Variants in STK24 observed in about 807,000 individuals in gnomAD.
STK24 encodes the protein serine/threonine-protein kinase 24.
In STK24, 21 loss-of-function variants were observed where a neutral mutation model predicts 55.6. The observed-to-expected ratio is 0.38, with a 90% CI of 0.27 to 0.54. The LOEUF is 0.54. Ranked by LOEUF, STK24 falls within the 20% of genes least tolerant of loss-of-function variation. STK24 has a pLI of 0.79. For synonymous variants in STK24, 200 were observed against 215.2 expected, an observed-to-expected ratio of 0.93 and a Z score of 0.62; for missense variants, 383 against 538.4, an observed-to-expected ratio of 0.71 and a Z score of 2.86.
At chr13:98,542,760 A>G (rs1896923392) in intron 1 of STK24, 4 of 902,492 alleles carry the variant, frequency 4.4e-6, no homozygotes, top group Non-Finnish European at 5.3e-6. Flanking sequence ...CAGCCCTAGA[A>G]AGGCTGATGG....
At chr13:98,491,968 C>CA (rs2139324603) in intron 2 of STK24, among the ~76,000 whole-genome samples, 1 of 152,038 alleles carries the variant, frequency 6.6e-6, no homozygotes, top group East Asian at 1.9e-4. Context: ...CAGAATTAGA[C>CA]AATTTCAATA....
Position 98,494,412 on chromosome 13 carries a change from C to CAAAAAAAAAAAAAAAAAAAAA in STK24, c.274-12092_274-12091insTTTTTTTTTTTTTTTTTTTTT, listed in dbSNP as rs1162677599. ...CTGGGTGACAGAGCCAGACTCGTCT[C>CAAAAAAAAAAAAAAAAAAAAA]AAAAAAAAAAAAAAAAGTGCCTCTA... On this transcript the variant is annotated intron_variant, in intron 2 of 10. Coordinates refer to ENST00000539966, the MANE Select transcript of STK24 (RefSeq NM_001032296.4). Among the ~76,000 whole-genome samples the CAAAAAAAAAAAAAAAAAAAAA allele has an allele frequency of 2.2e-3, 148 of 66,670 alleles. 12 individuals carry two copies. Among genetic ancestry groups the CAAAAAAAAAAAAAAAAAAAAA allele is most frequent in the African/African-American group, 3.1e-3 (59 of 18,956 alleles). The allele number at this position is 66,670 out of a possible 152,430, so 43.7% of individuals were successfully genotyped here.
chr13:98,448,041 A>G lies in STK24; in HGVS notation c.*5132T>C. On this transcript the variant is annotated 3_prime_UTR_variant, in exon 11 of 11. Transcript: ENST00000539966. ...GGTACTTCCAGCTCCACACTGAGTG[A>G]GTGCCCAGGCCAGTGGGTCTCCACT... is the stretch of plus-strand genomic sequence containing the variant. 1.7e-6 allele frequency: 1 copy of G among 602,122 alleles called. No individual in the cohort carries two copies. The highest frequency in any genetic ancestry group is 4.5e-4 in the Middle Eastern group (1 of 2,234). 37.3% of individuals were successfully genotyped at this position (602,122 alleles called of 1,614,324 possible).
intron 1 of STK24, among the ~76,000 whole-genome samples, chr13:98,549,479 AG>A (rs1897109624): frequency 6.6e-6 from 1 of 152,072 alleles, no homozygotes; most frequent in Non-Finnish European, 1.5e-5. Flanking sequence ...GCCTGCTGGG[AG>A]GTGTTTGGAT....
In STK24 at chr13:98,447,059, T is replaced by C; in HGVS notation, c.*6114A>G. ...TTGGCTGAGGCCCTAGACATCTTGC[T>C]TGGAGATCTCTGACATAACGTGTCC... On this transcript the variant is annotated 3_prime_UTR_variant, in exon 11 of 11. Transcript: ENST00000539966. 2.1e-6 allele frequency: 1 copy of C among 485,746 alleles called. No individual in the cohort carries two copies. The highest frequency in any genetic ancestry group is 3.7e-6 in the Non-Finnish European group (1 of 268,184). The allele number at this position is 485,746 out of a possible 1,614,324, so 30.1% of individuals were successfully genotyped here. A position where few individuals can be genotyped will look rare whatever the true frequency, so the allele number is the denominator to read the frequency against.
At chr13:98,494,412 C>CAAAA (rs1162677599) in intron 2 of STK24, among the ~76,000 whole-genome samples, 19,430 of 66,388 alleles carry the variant, frequency 0.29, 3,953 homozygotes, top group Non-Finnish European at 0.35. Context: ...AGACTCGTCT[C>CAAAA]AAAAAAAAAA....
rs199887537 is a variant in STK24, at chr13:98,446,777, G to A, written c.*6396C>T. 16 of 1,614,008 alleles carry A rather than the reference G, an allele frequency of 9.9e-6. No homozygotes were observed. Among genetic ancestry groups the A allele is most frequent in the Non-Finnish European group, 1.4e-5 (16 of 1,180,038 alleles). ...GTTCAAGCTGCACTTCAAGTCCCACGTCTACTACTTCAGGGCGGAAAGCGA... is the reference window on the plus strand; with the variant it reads ...GTTCAAGCTGCACTTCAAGTCCCACATCTACTACTTCAGGGCGGAAAGCGA... On this transcript the variant is annotated 3_prime_UTR_variant, in exon 11 of 11. Transcript: ENST00000539966.
At chr13:98,549,995 G>A (rs1897121088) in intron 1 of STK24, among the ~76,000 whole-genome samples, 1 of 152,184 alleles carries the variant, frequency 6.6e-6, no homozygotes, top group Non-Finnish European at 1.5e-5. Context: ...TCTCTTCAAT[G>A]ATCTTGACTT....
At chr13:98,530,181 C>G (rs774030946) in intron 1 of STK24, among the ~76,000 whole-genome samples, 2 of 152,110 alleles carry the variant, frequency 1.3e-5, no homozygotes, top group Non-Finnish European at 2.9e-5. Context: ...GGCCCCCAGA[C>G]AGAAACACAC....
At position 98,451,079 on chromosome 13, in the gene STK24, G is replaced by A. The variant is rs1439201944; in HGVS notation, c.*2094C>T. ...AGTATTCATTAGAACCCAGTCCCTC[G>A]AGCGGCTCACCCACTGTTACTAGCA... is the stretch of plus-strand genomic sequence containing the variant. On this transcript the variant is annotated 3_prime_UTR_variant, in exon 11 of 11. Transcript: ENST00000539966. 2 of 152,154 alleles carry A rather than the reference G, an allele frequency of 1.3e-5. No individual in the cohort carries two copies. Among genetic ancestry groups the A allele is most frequent in the African/African-American group, 4.8e-5 (2 of 41,418 alleles). 9.4% of individuals were successfully genotyped at this position (152,154 alleles called of 1,614,324 possible). A position where few individuals can be genotyped will look rare whatever the true frequency, so the allele number is the denominator to read the frequency against.
chr13:98,474,512 C>CT (rs1475476616), intron 5 of STK24, among the ~76,000 whole-genome samples: 2 of 152,166 alleles, frequency 1.3e-5, no homozygotes, highest in African/African-American at 4.8e-5. Flanking sequence ...CACCCCTCAC[C>CT]ACCATGGCCC....
At chr13:98,525,710 G>A (rs1213802277) in intron 1 of STK24, among the ~76,000 whole-genome samples, 2 of 152,168 alleles carry the variant, frequency 1.3e-5, no homozygotes, top group African/African-American at 4.8e-5. Flanking sequence ...CCCACAAGCC[G>A]CCTCACACTG....
chr13:98,492,492 T>TACCACC (rs1251817063), intron 2 of STK24, among the ~76,000 whole-genome samples: 1 of 152,126 alleles, frequency 6.6e-6, no homozygotes, highest in African/African-American at 2.4e-5. Flanking sequence ...TTTTCTCGAA[T>TACCACC]ACCACCGGCC....
At chr13:98,518,266 G>A (rs4772093) in intron 2 of STK24, among the ~76,000 whole-genome samples, 124,173 of 152,154 alleles carry the variant, frequency 0.82, 51,444 homozygotes, top group Non-Finnish European at 0.9. Context: ...ACACCTTACT[G>A]TATTTCTACA....
chr13:98,503,246 C>T (rs951809948), intron 2 of STK24, among the ~76,000 whole-genome samples: 5 of 152,142 alleles, frequency 3.3e-5, no homozygotes, highest in Non-Finnish European at 5.9e-5. Flanking sequence ...TATATGCACT[C>T]AAAGATGGCT....
chr13:98,567,668 G>A (rs983277889), intron 1 of STK24, among the ~76,000 whole-genome samples: 14 of 152,116 alleles, frequency 9.2e-5, no homozygotes, highest in African/African-American at 3.4e-4. Flanking sequence ...TGAAGAGAAC[G>A]GAGGCTCCGA....
chr13:98,497,225 C>T (rs1895282448), intron 2 of STK24, among the ~76,000 whole-genome samples: 1 of 152,168 alleles, frequency 6.6e-6, no homozygotes, highest in Admixed American at 6.5e-5. Flanking sequence ...GAGCTGCTCC[C>T]TGACCCCTCC....
intron 3 of STK24, among the ~76,000 whole-genome samples, chr13:98,475,867 G>A (rs1894351100): frequency 6.8e-6 from 1 of 146,712 alleles, no homozygotes; most frequent in African/African-American, 2.4e-5. Flanking sequence ...CTCACCCCTG[G>A]TACCCAAAAA....
chr13:98,521,869 A>G (rs1376357382), intron 1 of STK24: 1 of 831,636 alleles, frequency 1.2e-6, no homozygotes, highest in East Asian at 2.4e-5. Context: ...CTCCTCCAGG[A>G]TAAGGCTTCG....
Sources: allele counts gnomAD v4.1 joint callset (sites outside exome capture counted in the v4.1 genomes callset), GRCh38; gene constraint gnomAD v4.1.1; transcripts MANE v1.5; gene names NCBI Gene and HGNC (gene_info 2026-07-23, HGNC 2026-07-21).